The following CNTN5 variants were observed in gnomAD, a reference collection of about 807,000 sequenced individuals.
CNTN5 encodes the protein contactin 5.
Under a neutral mutation model 129.1 loss-of-function variants are expected in CNTN5, and 77 were observed. The ratio of observed to expected loss-of-function variants is 0.60; its 90% confidence interval spans 0.50 to 0.72. The LOEUF (loss-of-function observed/expected upper bound fraction) is 0.72, where lower values mean the gene tolerates loss of function less well. CNTN5 is among the 30% of genes least tolerant of loss of function. The pLI is 0.00. For missense variants in CNTN5, 1,478 were observed against 1,328.8 expected (o/e 1.11, Z -1.75); for synonymous variants, 509 against 465.6 (o/e 1.09, Z -1.20).
intron 3 of CNTN5, among the ~76,000 whole-genome samples, chr11:99,669,079 T>A (rs1317922176): frequency 6.6e-6 from 1 of 152,202 alleles, no homozygotes; most frequent in Admixed American, 6.5e-5. Context: ...TGATTTATAC[T>A]CTTACTTTGT....
chr11:99,188,382 A>C (rs762217142), intron 1 of CNTN5, among the ~76,000 whole-genome samples: 1 of 151,722 alleles, frequency 6.6e-6, no homozygotes, highest in Non-Finnish European at 1.5e-5. Context: ...CAATCTCACC[A>C]TCTGTGTACG....
intron 2 of CNTN5, among the ~76,000 whole-genome samples, chr11:99,362,990 G>A (rs1051387069): frequency 6.6e-6 from 1 of 151,596 alleles, no homozygotes; most frequent in Non-Finnish European, 1.5e-5. Flanking sequence ...GATTGTTTTG[G>A]CTATTCAAAG....
In CNTN5 at chr11:99,191,699, CAT is replaced by C. The variant is rs201020807; in HGVS notation, c.-209-133646_-209-133645del. Among the ~76,000 whole-genome samples the C allele has an allele frequency of 9.9e-5, 15 of 151,718 alleles. No individual in the cohort carries two copies. In the East Asian group the frequency reaches 2.7e-3, roughly 27 times the overall value. ...TCACAAATACATCACAATTAAACAA[CAT>C]GTTTCTGAAAAACCAATGAGTCGAT... On this transcript the variant is annotated intron_variant, in intron 1 of 24. Transcript: ENST00000524871.
chr11:99,399,034 C>T (rs371394655), intron 2 of CNTN5, among the ~76,000 whole-genome samples: 4 of 151,858 alleles, frequency 2.6e-5, no homozygotes, highest in Non-Finnish European at 4.4e-5. Context: ...AGGTCTCTTA[C>T]TTCTGTTATG....
intron 3 of CNTN5, among the ~76,000 whole-genome samples, chr11:99,727,065 G>C (rs1271862846): frequency 1.3e-5 from 2 of 151,286 alleles, no homozygotes; most frequent in African/African-American, 4.9e-5. Flanking sequence ...CCAGCACTTT[G>C]GGAGGCCGAG....
intron 2 of CNTN5, among the ~76,000 whole-genome samples, chr11:99,541,952 G>A (rs1370144247): frequency 7.7e-5 from 6 of 77,484 alleles, no homozygotes; most frequent in African/African-American, 3.0e-4. Context: ...GGGAGATCTT[G>A]TCTCAAAAAA....
At chr11:100,155,313 C>A (rs1947201984) in intron 13 of CNTN5, among the ~76,000 whole-genome samples, 1 of 152,030 alleles carries the variant, frequency 6.6e-6, no homozygotes, top group African/African-American at 2.4e-5. Context: ...TAAGGTTTGT[C>A]CAAGATCAGA....
At chr11:99,213,379 TACATATATACACGTGTATATATAC>T (rs1449678551) in intron 1 of CNTN5, among the ~76,000 whole-genome samples, 4 of 138,598 alleles carry the variant, frequency 2.9e-5, no homozygotes, top group Middle Eastern at 3.7e-3. Context: ...TATATGTATA[TACATATATACACGTGTATATATAC>T]ACATATATGT....
intron 1 of CNTN5, among the ~76,000 whole-genome samples, chr11:99,213,211 A>G (rs80073012): frequency 3.6e-4 from 25 of 68,850 alleles, no homozygotes; most frequent in East Asian, 1.0e-3. Flanking sequence ...ATATATATAT[A>G]TGTGTGTGTA....
intron 3 of CNTN5, among the ~76,000 whole-genome samples, chr11:99,577,284 A>G (rs552312538): frequency 1.3e-5 from 2 of 152,268 alleles, no homozygotes. Context: ...TTGACACATT[A>G]CAGAGATTCT....
At chr11:99,978,037 G>A (rs1260304970) in intron 8 of CNTN5, among the ~76,000 whole-genome samples, 1 of 152,238 alleles carries the variant, frequency 6.6e-6, no homozygotes, top group African/African-American at 2.4e-5. Flanking sequence ...GTGGTCTCAT[G>A]ACATTATAAT....
At chr11:99,598,964 A>G (rs188978410) in intron 3 of CNTN5, among the ~76,000 whole-genome samples, 86 of 152,254 alleles carry the variant, frequency 5.6e-4, no homozygotes, top group Non-Finnish European at 1.1e-3. Flanking sequence ...GTCTTTAATA[A>G]TGTCTTTTAT....
chr11:99,596,113 A>G (rs1365168258), intron 3 of CNTN5, among the ~76,000 whole-genome samples: 1 of 152,184 alleles, frequency 6.6e-6, no homozygotes, highest in Non-Finnish European at 1.5e-5. Flanking sequence ...AGGCTCAGGC[A>G]TCACAATCTA....
intron 1 of CNTN5, among the ~76,000 whole-genome samples, chr11:99,303,203 C>A (rs567079714): frequency 6.6e-6 from 1 of 151,380 alleles, no homozygotes; most frequent in South Asian, 2.1e-4. Flanking sequence ...AGATGCTTAT[C>A]GATTTTAGAA....
At chr11:99,126,196 C>T (rs1230093842) in intron 1 of CNTN5, among the ~76,000 whole-genome samples, 1 of 152,152 alleles carries the variant, frequency 6.6e-6, no homozygotes, top group Non-Finnish European at 1.5e-5. Context: ...AGCTCAATAA[C>T]CGAATGATCT....
chr11:99,405,231 A>C (rs1417555763), intron 2 of CNTN5, among the ~76,000 whole-genome samples: 1 of 151,994 alleles, frequency 6.6e-6, no homozygotes, highest in Non-Finnish European at 1.5e-5. Flanking sequence ...TTGGTGTTTT[A>C]TAACCTTGCA....
At chr11:100,308,541 G>C in intron 21 of CNTN5, 73 bp downstream of exon 21, 1 of 1,488,084 alleles carries the variant, frequency 6.7e-7, no homozygotes, top group Admixed American at 2.5e-5. Context: ...AGAGGTTTTG[G>C]TGACACCTCA....
intron 4 of CNTN5, among the ~76,000 whole-genome samples, chr11:99,830,528 ATTGT>A (rs1287049496): frequency 4.6e-5 from 7 of 152,260 alleles, no homozygotes; most frequent in Middle Eastern, 3.4e-3. Context: ...TTGCTGATAA[ATTGT>A]TTGAGAGACA....
chr11:99,911,731 A>G (rs1949664673), intron 6 of CNTN5, among the ~76,000 whole-genome samples: 1 of 105,656 alleles, frequency 9.5e-6, no homozygotes, highest in Non-Finnish European at 2.1e-5. Context: ...AACATGTCTC[A>G]GGAGGTTAAA....
Sources: allele counts gnomAD v4.1 joint callset (sites outside exome capture counted in the v4.1 genomes callset), GRCh38; gene constraint gnomAD v4.1.1; transcripts MANE v1.5; gene names NCBI Gene and HGNC (gene_info 2026-07-23, HGNC 2026-07-21).